Variants in RASEF observed in about 807,000 individuals in gnomAD.
The protein encoded by RASEF is ras and EF-hand domain-containing protein.
Under a neutral mutation model 90.1 loss-of-function variants are expected in RASEF, and 68 were observed. The observed-to-expected ratio is 0.75, with a 90% CI of 0.62 to 0.92. RASEF has a LOEUF of 0.92. RASEF is among the 40% of genes least tolerant of loss of function. The probability of loss-of-function intolerance (pLI) is 0.00; values close to 1 mark genes in which losing one functional copy is unlikely to be tolerated. For missense variants in RASEF, 949 were observed against 937.2 expected (o/e 1.01, Z -0.16); for synonymous variants, 331 against 345.2 (o/e 0.96, Z 0.46).
At chr9:82,986,024 C>T (rs1371537207) in intron 16 of RASEF, among the ~76,000 whole-genome samples, 1 of 152,034 alleles carries the variant, frequency 6.6e-6, no homozygotes, top group African/African-American at 2.4e-5. Context: ...GTTAAAAATA[C>T]AAAAACTGGA....
intron 1 of RASEF, among the ~76,000 whole-genome samples, chr9:83,042,402 A>G (rs17085988): frequency 0.029 from 4,431 of 152,288 alleles, 197 homozygotes; most frequent in African/African-American, 0.1. Flanking sequence ...CAACATATGA[A>G]GTGACTGACA....
At chr9:83,089,939 TAG>T in the RASEF span, among the ~76,000 whole-genome samples, 1,397 of 147,866 alleles carry the variant, frequency 9.4e-3, 30 homozygotes, top group African/African-American at 0.032. Context: ...GATAGATAGA[TAG>T]ATAGATATAG....
chr9:83,143,809 T>C, the RASEF span, among the ~76,000 whole-genome samples: 3 of 152,190 alleles, frequency 2.0e-5, no homozygotes, highest in Admixed American at 1.3e-4. Flanking sequence ...TTACTGGGTA[T>C]ATAACCAAAG....
At chr9:83,073,992 A>G in the RASEF span, among the ~76,000 whole-genome samples, 1 of 152,244 alleles carries the variant, frequency 6.6e-6, no homozygotes, top group South Asian at 2.1e-4. Flanking sequence ...CTGAAAAATA[A>G]TGTATACCTC....
At chr9:83,087,011 C>A in the RASEF span, among the ~76,000 whole-genome samples, 1 of 151,848 alleles carries the variant, frequency 6.6e-6, no homozygotes, top group Non-Finnish European at 1.5e-5. Context: ...AAGTTGGCTG[C>A]GAAAAAGGAT....
rs1453039408 is a variant in RASEF at position 82,981,329 on chromosome 9, G to A, written c.*1348C>T. The A allele has an allele frequency of 1.3e-5, 2 of 152,158 alleles. No homozygotes were observed. The highest frequency in any genetic ancestry group is 2.9e-5 in the Non-Finnish European group (2 of 68,044). The allele number at this position is 152,158 out of a possible 1,614,324, so 9.4% of individuals were successfully genotyped here. ...GGAGAGTAGGCCCAACCAGGTCACT[G>A]GTGATGATGAGCCACTAGTCACATT... On this transcript the variant is annotated 3_prime_UTR_variant, in exon 17 of 17. Transcript: ENST00000376447.
chr9:83,206,257 T>C, the RASEF span, among the ~76,000 whole-genome samples: 3 of 152,374 alleles, frequency 2.0e-5, no homozygotes, highest in South Asian at 4.1e-4. Context: ...CAAAGTGTTT[T>C]ATATTCCTAA....
In RASEF at chr9:83,062,470, G is replaced by T; in HGVS notation, c.398C>A (p.Ala133Glu). 2 of 1,612,788 alleles carry T rather than the reference G, an allele frequency of 1.2e-6. No individual in the cohort carries two copies. Among genetic ancestry groups the T allele is most frequent in the Admixed American group, 1.7e-5 (1 of 59,984 alleles). Residue 133 changes from alanine (A) to glutamate (E), a missense_variant, in exon 1 of 17, where the codon GCG (alanine) becomes GAG (glutamate). Ala to Glu is a moderately radical substitution (Grantham distance 107). Transcript: ENST00000376447. ...GAACTTGGCTTCGTCCCCAAGTCGC[G>T]CCTGGAAATCCTGCCAAGCCCGGCC... Reference protein sequence around the residue: ...SPGRAWQDFQARLGDEAKFIP... With the variant: ...SPGRAWQDFQERLGDEAKFIP...
chr9:83,143,008 C>T, the RASEF span, among the ~76,000 whole-genome samples: 1 of 152,134 alleles, frequency 6.6e-6, no homozygotes. Context: ...TGGTCAGTAT[C>T]TTTAATTTAT....
At chr9:83,063,601 C>A (rs943705898), upstream of RASEF, among the ~76,000 whole-genome samples, 17 of 152,210 alleles carry the variant, frequency 1.1e-4, no homozygotes, top group Non-Finnish European at 2.4e-4. Flanking sequence ...TAAGGTCCCA[C>A]TGCTTAAACA....
the RASEF span, among the ~76,000 whole-genome samples, chr9:83,115,873 T>G: frequency 1.6e-3 from 245 of 151,412 alleles, 1 homozygote; most frequent in African/African-American, 5.4e-3. Context: ...GGAAAATATT[T>G]GCTAAATTGC....
chr9:83,207,600 T>A, the RASEF span, among the ~76,000 whole-genome samples: 1 of 37,638 alleles, frequency 2.7e-5, no homozygotes, highest in Non-Finnish European at 5.6e-5. Context: ...GAGGGCTGCT[T>A]TTTTTTTTTT....
intron 16 of RASEF, 23 bp from the exon 17 acceptor site, chr9:82,982,805 CAGAGAGAGAGAGAG>C (rs60689330): frequency 1.1e-6 from 1 of 915,878 alleles, no homozygotes; most frequent in Non-Finnish European, 1.8e-6. Context: ...TAGAGAGAGA[CAGAGAGAGAGAGAG>C]AGAGAGAGAG....
At chr9:83,155,786 A>G in the RASEF span, among the ~76,000 whole-genome samples, 4 of 152,106 alleles carry the variant, frequency 2.6e-5, no homozygotes, top group East Asian at 7.7e-4. Context: ...ACAAAACATA[A>G]TTTTCTCCAT....
chr9:83,068,186 T>C, the RASEF span, among the ~76,000 whole-genome samples: 1 of 152,240 alleles, frequency 6.6e-6, no homozygotes, highest in African/African-American at 2.4e-5. Context: ...TTTCATATTA[T>C]ATATGCAAGA....
chr9:83,146,146 A>G, the RASEF span, among the ~76,000 whole-genome samples: 1 of 151,486 alleles, frequency 6.6e-6, no homozygotes, highest in Non-Finnish European at 1.5e-5. Context: ...AAAGACATCC[A>G]TATAAAAAAG....
At chr9:83,105,311 G>C in the RASEF span, among the ~76,000 whole-genome samples, 2 of 152,046 alleles carry the variant, frequency 1.3e-5, no homozygotes, top group Non-Finnish European at 2.9e-5. Context: ...GCAGCACTAT[G>C]TTAAAAGTGA....
intron 1 of RASEF, chr9:83,048,134 C>T (rs976584563): frequency 1.0e-6 from 1 of 985,260 alleles, no homozygotes; most frequent in Non-Finnish European, 1.2e-6. Context: ...CTCTGGAGGC[C>T]TCCACGTTTG....
At chr9:83,065,392 G>C (rs1046898499), upstream of RASEF, among the ~76,000 whole-genome samples, 2 of 152,188 alleles carry the variant, frequency 1.3e-5, no homozygotes, top group Non-Finnish European at 2.9e-5. Flanking sequence ...GCTGGTGCTG[G>C]CTGTTGGCTG....
Sources: gnomAD v4.1 joint callset for allele counts (sites outside exome capture counted in the v4.1 genomes callset) on GRCh38, gnomAD v4.1.1 for gene constraint, MANE v1.5 for transcripts, NCBI Gene and HGNC (gene_info 2026-07-23, HGNC 2026-07-21) for gene names.